The following NAALADL2 variants were observed in gnomAD, a reference collection of about 807,000 sequenced individuals.
NAALADL2 encodes inactive N-acetylated-alpha-linked acidic dipeptidase-like protein 2.
A neutral mutation model predicts 87.2 loss-of-function variants in NAALADL2; 76 were observed. The observed-to-expected ratio is 0.87, with a 90% CI of 0.72 to 1.05. The LOEUF (loss-of-function observed/expected upper bound fraction) is 1.05, where lower values mean the gene tolerates loss of function less well. Among genes scored for constraint, NAALADL2 ranks in the 50% least tolerant of loss-of-function variants. The pLI, the probability that NAALADL2 is intolerant of heterozygous loss-of-function variation, is 0.00. For missense variants in NAALADL2, 1,089 were observed against 945.8 expected (o/e 1.15, Z -1.99); for synonymous variants, 354 against 331.0 (o/e 1.07, Z -0.75).
chr3:174,981,099 A>G (rs1305846713), intron 1 of NAALADL2, among the ~76,000 whole-genome samples: 2 of 152,194 alleles, frequency 1.3e-5, no homozygotes, highest in Non-Finnish European at 2.9e-5. Flanking sequence ...TATTCAAAAC[A>G]TTAAAATAGT....
At chr3:175,256,633 G>A (rs904065371) in intron 4 of NAALADL2, 103 bp downstream of exon 4, 1 of 1,062,872 alleles carries the variant, frequency 9.4e-7, no homozygotes, top group Non-Finnish European at 1.3e-6. Context: ...GCATATAGGT[G>A]TGTGAGAGAG....
rs935918528 is a variant in NAALADL2 at position 175,133,601 on chromosome 3, A to C, written c.545+36310A>C. ...GTCAGGCGTGGCGGCGCGCGCCTGC[A>C]ATCGCAGGCACTCGGCAGGCTGAGG... On this transcript the variant is annotated intron_variant, in intron 2 of 13. Coordinates refer to ENST00000454872, the MANE Select transcript of NAALADL2 (RefSeq NM_207015.3). Among the ~76,000 whole-genome samples the C allele has an allele frequency of 2.0e-5, 3 of 152,302 alleles. No homozygotes were observed. In the East Asian group the frequency reaches 5.8e-4, roughly 30 times the overall value.
intron 2 of NAALADL2, among the ~76,000 whole-genome samples, chr3:175,106,001 G>T (rs951647523): frequency 1.3e-5 from 2 of 152,038 alleles, no homozygotes; most frequent in African/African-American, 4.8e-5. Context: ...GGAAGAGGTT[G>T]TCTCAGTCTG....
intron 13 of NAALADL2, among the ~76,000 whole-genome samples, chr3:175,793,206 C>T (rs1487583664): frequency 2.0e-5 from 3 of 151,478 alleles, no homozygotes; most frequent in African/African-American, 4.9e-5. Flanking sequence ...GTGAGCACTG[C>T]ATAGAATATT....
intron 2 of NAALADL2, among the ~76,000 whole-genome samples, chr3:175,227,746 C>A (rs537605425): frequency 6.6e-6 from 1 of 151,970 alleles, no homozygotes; most frequent in East Asian, 1.9e-4. Flanking sequence ...AACCCTTTGA[C>A]TAAACCATTT....
At chr3:175,084,058 C>T (rs1459070170) in intron 1 of NAALADL2, among the ~76,000 whole-genome samples, 1 of 152,066 alleles carries the variant, frequency 6.6e-6, no homozygotes, top group Non-Finnish European at 1.5e-5. Context: ...ACATGAAGGT[C>T]TTATATGCTT....
chr3:174,723,783 A>T (rs149185502), intron 2 of NAALADL2, among the ~76,000 whole-genome samples: 4 of 147,214 alleles, frequency 2.7e-5, no homozygotes, highest in Admixed American at 2.1e-4. Context: ...AAAAAAAAAA[A>T]GCCTAGATAG....
intron 4 of NAALADL2, among the ~76,000 whole-genome samples, chr3:175,264,922 A>G (rs1329943743): frequency 1.3e-5 from 2 of 151,750 alleles, no homozygotes; most frequent in East Asian, 3.8e-4. Context: ...CAAAAACCAT[A>G]TCACAAAATT....
intron 4 of NAALADL2, among the ~76,000 whole-genome samples, chr3:175,285,733 A>AT (rs1304686303): frequency 3.3e-5 from 5 of 152,134 alleles, no homozygotes; most frequent in African/African-American, 4.8e-5. Context: ...CTATATCTAT[A>AT]TTTTAAATGT....
At chr3:175,415,259 T>G (rs1714382849) in intron 5 of NAALADL2, among the ~76,000 whole-genome samples, 1 of 152,186 alleles carries the variant, frequency 6.6e-6, no homozygotes, top group South Asian at 2.1e-4. Flanking sequence ...AAGCAACCAT[T>G]TAATGGATGA....
intron 1 of NAALADL2, among the ~76,000 whole-genome samples, chr3:175,052,680 T>C (rs551365947): frequency 8.3e-6 from 1 of 120,244 alleles, no homozygotes; most frequent in African/African-American, 2.7e-5. Context: ...GTTCTTTTAA[T>C]ATTTTGCAAT....
chr3:175,163,363 A>T (rs1357079512), intron 2 of NAALADL2, among the ~76,000 whole-genome samples: 2 of 152,078 alleles, frequency 1.3e-5, no homozygotes, highest in African/African-American at 2.4e-5. Context: ...CATGATTATG[A>T]GATATTTAGA....
intron 2 of NAALADL2, among the ~76,000 whole-genome samples, chr3:174,625,076 T>TTTTTTTTTTTA (rs1721429439): frequency 1.4e-5 from 2 of 147,648 alleles, no homozygotes; most frequent in African/African-American, 5.1e-5. Context: ...TTTTTTTTTT[T>TTTTTTTTTTTA]GAGACAGGGT....
intron 3 of NAALADL2, among the ~76,000 whole-genome samples, chr3:174,779,908 A>T (rs1478787819): frequency 1.0e-5 from 1 of 96,932 alleles, no homozygotes; most frequent in Non-Finnish European, 2.1e-5. Context: ...AGGTAGCTTG[A>T]TGCCTCCAGC....
intron 2 of NAALADL2, among the ~76,000 whole-genome samples, chr3:174,639,530 T>G (rs375141297): frequency 6.6e-6 from 1 of 152,192 alleles, no homozygotes; most frequent in Admixed American, 6.5e-5. Flanking sequence ...TAGGGCTTCC[T>G]GACTGTCTTT....
At chr3:175,536,854 C>T (rs140904519) in intron 9 of NAALADL2, among the ~76,000 whole-genome samples, 6,483 of 152,160 alleles carry the variant, frequency 0.043, 203 homozygotes, top group Non-Finnish European at 0.059. Context: ...TGGTGGCGGG[C>T]GCCTGTAGTC....
At chr3:175,218,103 G>A in intron 2 of NAALADL2, 1 of 444,580 alleles carries the variant, frequency 2.2e-6, no homozygotes, top group Non-Finnish European at 4.5e-6. Flanking sequence ...TGGATGAATG[G>A]TGTGGCTTGA....
intron 1 of NAALADL2, among the ~76,000 whole-genome samples, chr3:175,001,368 G>T (rs1260791627): frequency 6.6e-6 from 1 of 152,148 alleles, no homozygotes; most frequent in Non-Finnish European, 1.5e-5. Context: ...CAGATCTCAT[G>T]AATCAGAATC....
chr3:174,671,997 G>GTTGTTCTA (rs1726594370), intron 2 of NAALADL2, among the ~76,000 whole-genome samples: 1 of 151,410 alleles, frequency 6.6e-6, no homozygotes, highest in Admixed American at 6.6e-5. Flanking sequence ...AAGTTGTTCT[G>GTTGTTCTA]CAATCCTTTA....
Sources: allele counts gnomAD v4.1 joint callset (sites outside exome capture counted in the v4.1 genomes callset), GRCh38; gene constraint gnomAD v4.1.1; transcripts MANE v1.5; gene names NCBI Gene and HGNC (gene_info 2026-07-23, HGNC 2026-07-21).